The following MYO3B variants were observed in gnomAD, a reference collection of about 807,000 sequenced individuals.
MYO3B encodes the protein myosin-IIIb.
MYO3B carries 156 observed loss-of-function variants against 174.6 expected under a neutral mutation model. The ratio of observed to expected loss-of-function variants is 0.89; its 90% CI spans 0.78 to 1.02. The LOEUF is 1.02. MYO3B is among the 50% of genes least tolerant of loss of function. The probability of loss-of-function intolerance (pLI) is 0.00; values close to 1 mark genes in which losing one functional copy is unlikely to be tolerated. For missense variants in MYO3B, 1,632 were observed against 1,639.4 expected (o/e 1.00, Z 0.08); for synonymous variants, 563 against 569.1 (o/e 0.99, Z 0.15).
intron 22 of MYO3B, among the ~76,000 whole-genome samples, chr2:170,410,044 T>C (rs1275687961): frequency 1.3e-5 from 2 of 152,206 alleles, no homozygotes; most frequent in South Asian, 4.1e-4. Context: ...TGCCTATACA[T>C]CTTGATGTTC....
At chr2:170,522,046 T>A (rs1688700691) in intron 30 of MYO3B, among the ~76,000 whole-genome samples, 1 of 152,164 alleles carries the variant, frequency 6.6e-6, no homozygotes, top group Non-Finnish European at 1.5e-5. Flanking sequence ...ATTCTCAGTC[T>A]TTGTTTTCTC....
chr2:170,502,672 A>G (rs1445604541), intron 28 of MYO3B, among the ~76,000 whole-genome samples: 2 of 152,202 alleles, frequency 1.3e-5, no homozygotes, highest in African/African-American at 4.8e-5. Context: ...TCTGGAAGAA[A>G]CAGGCCCCTG....
chr2:170,305,244 G>A (rs1518736), intron 7 of MYO3B, among the ~76,000 whole-genome samples: 26,225 of 151,982 alleles, frequency 0.17, 2,881 homozygotes, highest in African/African-American at 0.28. Flanking sequence ...TAGTGATTTG[G>A]AGTATCTATC....
chr2:170,391,755 AGG>A (rs2105767545), intron 15 of MYO3B, 137 bp downstream of exon 15: 1 of 592,006 alleles, frequency 1.7e-6, no homozygotes, highest in Non-Finnish European at 3.0e-6. Flanking sequence ...GTGAGGTGGC[AGG>A]AAGTATCCAC....
chr2:170,528,119 TA>T (rs577153129), intron 30 of MYO3B, among the ~76,000 whole-genome samples: 2 of 152,380 alleles, frequency 1.3e-5, no homozygotes, highest in South Asian at 4.1e-4. Flanking sequence ...TCGAAAATCC[TA>T]ATTAAACAAG....
At chr2:170,610,201 A>G (rs565242037) in intron 32 of MYO3B, among the ~76,000 whole-genome samples, 114 of 152,268 alleles carry the variant, frequency 7.5e-4, no homozygotes, top group Non-Finnish European at 1.3e-3. Flanking sequence ...TTAGACGGGC[A>G]TGGTGGCGGG....
intron 3 of MYO3B, among the ~76,000 whole-genome samples, chr2:170,202,530 G>A (rs969507088): frequency 3.3e-5 from 5 of 152,182 alleles, no homozygotes; most frequent in African/African-American, 7.2e-5. Flanking sequence ...TGAGTAACAT[G>A]CCTATGGTCA....
chr2:170,485,420 C>CACAG (rs777460347), intron 25 of MYO3B, among the ~76,000 whole-genome samples: 1,699 of 127,836 alleles, frequency 0.013, 30 homozygotes, highest in East Asian at 0.081. Context: ...CACACACACA[C>CACAG]AGAGAGAGAG....
At chr2:170,212,411 TA>T (rs2105361355) in intron 3 of MYO3B, among the ~76,000 whole-genome samples, 1 of 152,232 alleles carries the variant, frequency 6.6e-6, no homozygotes, top group Non-Finnish European at 1.5e-5. Context: ...ATAATTTCTC[TA>T]CCCTCAGAAG....
chr2:170,621,422 A>T (rs1238465416), intron 32 of MYO3B, among the ~76,000 whole-genome samples: 1 of 151,892 alleles, frequency 6.6e-6, no homozygotes. Context: ...CTTCCTTCCC[A>T]CCTTTCACAC....
intron 8 of MYO3B, among the ~76,000 whole-genome samples, chr2:170,365,547 T>C (rs1158765701): frequency 1.3e-5 from 2 of 152,212 alleles, no homozygotes; most frequent in African/African-American, 4.8e-5. Flanking sequence ...ACTTTCTATC[T>C]GCTCTTAAGG....
intron 8 of MYO3B, among the ~76,000 whole-genome samples, chr2:170,362,851 G>T (rs1313303288): frequency 6.6e-6 from 1 of 152,174 alleles, no homozygotes; most frequent in Non-Finnish European, 1.5e-5. Flanking sequence ...ACAGCATCAA[G>T]TTTCTCATTC....
In MYO3B at chr2:170,542,920, A is replaced by G. The variant is rs148359602; in HGVS notation, c.3590A>G (p.Gln1197Arg). The change falls in exon 31 of 35, where the codon CAG becomes CGG. Residue 1197 changes from glutamine (Q) to arginine (R), a missense_variant. Gln to Arg is a conservative substitution (Grantham distance 43). Transcript: ENST00000408978. ...VTEKNGHSQA[Q>R]SSPKGCDIFA... ...TATCTTTTCAGGCATTCACAAGCCC[A>G]GAGTTCTCCAAAAGGGTGCGATATC... 7.2e-4 allele frequency: 1,150 copies of G among 1,608,382 alleles called. 4 individuals are homozygous for G. The African/African-American group carries it at 0.014, about 20-fold the overall frequency.
intron 22 of MYO3B, among the ~76,000 whole-genome samples, chr2:170,426,252 T>C (rs2094659722): frequency 6.6e-6 from 1 of 151,876 alleles, no homozygotes; most frequent in South Asian, 2.1e-4. Context: ...GGCGAGAGGA[T>C]TGCTTGAGCC....
intron 32 of MYO3B, among the ~76,000 whole-genome samples, chr2:170,584,729 A>G (rs1016481504): frequency 2.6e-5 from 4 of 152,264 alleles, no homozygotes; most frequent in Non-Finnish European, 5.9e-5. Flanking sequence ...CAAAGGGAGA[A>G]GGCAATAAGC....
chr2:170,582,437 A>G (rs1693215635), intron 32 of MYO3B, among the ~76,000 whole-genome samples: 1 of 151,922 alleles, frequency 6.6e-6, no homozygotes, highest in Non-Finnish European at 1.5e-5. Context: ...TTCTGGTATC[A>G]TTTTTGGGTG....
intron 7 of MYO3B, among the ~76,000 whole-genome samples, chr2:170,237,287 G>C (rs1289843952): frequency 6.6e-6 from 1 of 152,144 alleles, no homozygotes; most frequent in African/African-American, 2.4e-5. Context: ...TGTCTGGAAT[G>C]ATTTGTGTGT....
chr2:170,647,003 G>A, intron 32 of MYO3B: 1 of 998,938 alleles, frequency 1.0e-6, no homozygotes, highest in Non-Finnish European at 1.4e-6. Flanking sequence ...TTTTGTTACT[G>A]TCCATCATAT....
chr2:170,335,736 A>C (rs2093943306), intron 8 of MYO3B, among the ~76,000 whole-genome samples: 3 of 152,158 alleles, frequency 2.0e-5, no homozygotes, highest in Admixed American at 2.0e-4. Flanking sequence ...GTCATGTTTA[A>C]TGGGGAGAGA....
Sources: gnomAD v4.1 joint callset for allele counts (sites outside exome capture counted in the v4.1 genomes callset) on GRCh38, gnomAD v4.1.1 for gene constraint, MANE v1.5 for transcripts, NCBI Gene and HGNC (gene_info 2026-07-23, HGNC 2026-07-21) for gene names.